ALG9: variants seen among roughly 807,000 people sequenced by gnomAD.
ALG9 encodes the protein ALG9 alpha-1,2-mannosyltransferase.
Under a neutral mutation model 81.8 loss-of-function variants are expected in ALG9, and 55 were observed. The ratio of observed to expected loss-of-function variants is 0.67; its 90% CI spans 0.54 to 0.84. The LOEUF (loss-of-function observed/expected upper bound fraction) is 0.84. Among genes scored for constraint, ALG9 ranks in the 40% least tolerant of loss-of-function variants. The pLI is 0.00. For missense variants in ALG9, 629 were observed against 745.0 expected (o/e 0.84, Z 1.81); for synonymous variants, 278 against 274.3 (o/e 1.01, Z -0.13).
At chr11:111,798,239 T>C in intron 14 of ALG9, 1 of 291,182 alleles carries the variant, frequency 3.4e-6, no homozygotes. Context: ...AATCTCACAA[T>C]CCCCAAACTA....
chr11:111,861,885 G>A (rs1248858384), intron 4 of ALG9, among the ~76,000 whole-genome samples: 1 of 151,916 alleles, frequency 6.6e-6, no homozygotes, highest in Non-Finnish European at 1.5e-5. Context: ...TTTTCTCTCA[G>A]GACTTTGAAG....
intron 12 of ALG9, chr11:111,836,629 T>A: frequency 2.9e-6 from 1 of 346,856 alleles, no homozygotes; most frequent in South Asian, 2.4e-5. Flanking sequence ...AAGCAAATTA[T>A]CAGGTGTAGA....
At chr11:111,820,901 C>T (rs1952224640) in intron 13 of ALG9, among the ~76,000 whole-genome samples, 1 of 144,876 alleles carries the variant, frequency 6.9e-6, no homozygotes, top group Non-Finnish European at 1.5e-5. Flanking sequence ...ATAGTGAGAC[C>T]CTGTCTCCAA....
At chr11:111,786,618 GATT>G in intron 14 of ALG9, 98 bp from the exon 15 acceptor site, 1 of 1,334,744 alleles carries the variant, frequency 7.5e-7, no homozygotes, top group South Asian at 1.3e-5. Flanking sequence ...CTGTAGTAAG[GATT>G]ATATTTTATT....
Position 111,786,171 on chromosome 11 carries a change from G to T in ALG9, c.*226C>A. 1.6e-6 allele frequency: 1 copy of T among 637,432 alleles called. No individual in the cohort carries two copies. Among genetic ancestry groups the T allele is most frequent in the Non-Finnish European group, 2.9e-6 (1 of 347,774 alleles). 39.5% of individuals were successfully genotyped at this position (637,432 alleles called of 1,614,324 possible). Reference sequence around the variant, plus strand: ...TATCTGTGCTTTAGGGCCTTTCTCTGCCTAGCTGCAAAAAGTTTACATGCA... The same window carrying T: ...TATCTGTGCTTTAGGGCCTTTCTCTTCCTAGCTGCAAAAAGTTTACATGCA... On this transcript the variant is annotated 3_prime_UTR_variant, in exon 15 of 15. Coordinates refer to ENST00000616540, the MANE Select transcript of ALG9 (RefSeq NM_024740.2).
At chr11:111,776,777 A>T in the ALG9 span, among the ~76,000 whole-genome samples, 4 of 152,102 alleles carry the variant, frequency 2.6e-5, no homozygotes, top group Admixed American at 2.6e-4. Context: ...TCAAGGCCCA[A>T]ATCTGGTCTA....
chr11:111,855,044 C>CA (rs1555142228), intron 6 of ALG9, among the ~76,000 whole-genome samples: 2 of 152,134 alleles, frequency 1.3e-5, no homozygotes, highest in Non-Finnish European at 2.9e-5. Flanking sequence ...GAAGAACTGA[C>CA]AAAAAGAAGC....
chr11:111,814,349 TCATTA>T (rs1951169260), intron 13 of ALG9, among the ~76,000 whole-genome samples: 1 of 151,914 alleles, frequency 6.6e-6, no homozygotes, highest in Non-Finnish European at 1.5e-5. Flanking sequence ...AGCAAGAAAA[TCATTA>T]CCACAGGAGT....
chr11:111,824,087 A>C (rs559206613), intron 13 of ALG9, among the ~76,000 whole-genome samples: 122 of 152,358 alleles, frequency 8.0e-4, no homozygotes, highest in Non-Finnish European at 1.6e-3. Context: ...GCAGATTTAG[A>C]AATCTGAGAA....
At chr11:111,806,157 G>A (rs1555085100) in intron 14 of ALG9, among the ~76,000 whole-genome samples, 3 of 151,954 alleles carry the variant, frequency 2.0e-5, no homozygotes, top group African/African-American at 7.3e-5. Context: ...ACCGTGCCTG[G>A]CCACACTAAA....
downstream of ALG9, among the ~76,000 whole-genome samples, chr11:111,780,914 A>G (rs976008171): frequency 3.3e-5 from 5 of 152,200 alleles, no homozygotes; most frequent in Non-Finnish European, 7.3e-5. Context: ...ACAGGGTCGC[A>G]TGGTTTATAT....
Position 111,809,623 on chromosome 11 carries a change from A to C in ALG9, c.1733+20T>G. 7 of 1,613,812 alleles carry C rather than the reference A, an allele frequency of 4.3e-6. No homozygotes were observed. The highest frequency in any genetic ancestry group is 5.9e-6 in the Non-Finnish European group (7 of 1,179,804). On this transcript the variant is annotated intron_variant, in intron 14 of 14. Transcript: ENST00000616540. ...ACCCATACTAGTCCTGGAATATCCC[A>C]TAGGATTAAAGCCACATACCTAGAA...
chr11:111,794,692 C>T (rs782138953), intron 14 of ALG9, among the ~76,000 whole-genome samples: 4 of 152,166 alleles, frequency 2.6e-5, no homozygotes, highest in Non-Finnish European at 4.4e-5. Flanking sequence ...ATCCACCCAT[C>T]CATCCAAGCA....
At chr11:111,818,622 C>A (rs929922941) in intron 13 of ALG9, among the ~76,000 whole-genome samples, 6 of 152,154 alleles carry the variant, frequency 3.9e-5, no homozygotes, top group Non-Finnish European at 5.9e-5. Context: ...TAGGACAGGG[C>A]CTAAATTACA....
chr11:111,776,569 C>G, the ALG9 span, among the ~76,000 whole-genome samples: 1 of 152,196 alleles, frequency 6.6e-6, no homozygotes, highest in Non-Finnish European at 1.5e-5. Context: ...ACCTGGGCAA[C>G]AGAGCGAGAC....
chr11:111,806,130 G>A (rs1000167332), intron 14 of ALG9, among the ~76,000 whole-genome samples: 1 of 152,042 alleles, frequency 6.6e-6, no homozygotes, highest in Admixed American at 6.6e-5. Context: ...AAAGTGCTGG[G>A]ATTACAGGTG....
intron 13 of ALG9, among the ~76,000 whole-genome samples, chr11:111,822,216 T>C (rs1374842421): frequency 1.8e-5 from 1 of 54,708 alleles, no homozygotes; most frequent in African/African-American, 8.2e-5. Context: ...AGTCCAGCAA[T>C]GGGCAGCAGG....
chr11:111,813,276 C>T (rs1464442390), intron 13 of ALG9, among the ~76,000 whole-genome samples: 2 of 152,158 alleles, frequency 1.3e-5, no homozygotes, highest in Admixed American at 1.3e-4. Flanking sequence ...ATACATTTGA[C>T]TATATTAAAG....
intron 5 of ALG9, among the ~76,000 whole-genome samples, chr11:111,859,261 T>C (rs1193546205): frequency 6.6e-6 from 1 of 152,110 alleles, no homozygotes; most frequent in Non-Finnish European, 1.5e-5. Flanking sequence ...CCCAGCACTT[T>C]GGGAGACTGA....
Sources: gnomAD v4.1 joint callset for allele counts (sites outside exome capture counted in the v4.1 genomes callset) on GRCh38, gnomAD v4.1.1 for gene constraint, MANE v1.5 for transcripts, NCBI Gene and HGNC (gene_info 2026-07-23, HGNC 2026-07-21) for gene names.